LINGO2: variants seen among roughly 807,000 people sequenced by gnomAD.
LINGO2 encodes the protein leucine-rich repeat and immunoglobulin-like domain-containing nogo receptor-interacting protein 2.
LINGO2 carries 14 observed loss-of-function variants against 30.6 expected under a neutral mutation model. The ratio of observed to expected loss-of-function variants is 0.46; its 90% CI spans 0.30 to 0.72. LINGO2 has a LOEUF of 0.72. LINGO2 is among the 30% of genes least tolerant of loss of function. LINGO2 has a pLI of 0.07. For synonymous variants in LINGO2, 317 were observed against 288.5 expected (o/e 1.10, Z -1.00); for missense variants, 729 against 751.7 (o/e 0.97, Z 0.35).
the LINGO2 span, among the ~76,000 whole-genome samples, chr9:29,122,194 G>T: frequency 7.9e-5 from 12 of 151,792 alleles, no homozygotes; most frequent in African/African-American, 2.9e-4. Flanking sequence ...CATTCCTATA[G>T]CAGGAGAAAC....
chr9:28,970,688 A>C, the LINGO2 span, among the ~76,000 whole-genome samples: 1 of 152,156 alleles, frequency 6.6e-6, no homozygotes, highest in African/African-American at 2.4e-5. Flanking sequence ...CATTTAGACC[A>C]GCCCTAGCCA....
chr9:28,000,333 A>G (rs577986103), intron 5 of LINGO2, among the ~76,000 whole-genome samples: 1 of 152,292 alleles, frequency 6.6e-6, no homozygotes, highest in East Asian at 1.9e-4. Context: ...CAGATTCCAC[A>G]CATCACAGAG....
the LINGO2 span, among the ~76,000 whole-genome samples, chr9:29,070,798 T>G: frequency 1.3e-4 from 19 of 151,614 alleles, no homozygotes; most frequent in Middle Eastern, 3.5e-3. Context: ...TCCTATGACA[T>G]GTTTTAAAAT....
the LINGO2 span, among the ~76,000 whole-genome samples, chr9:28,714,850 A>ATG: frequency 2.0e-5 from 3 of 152,160 alleles, no homozygotes; most frequent in African/African-American, 7.2e-5. Flanking sequence ...TTTAGTTATT[A>ATG]TGTAGGTAGA....
the LINGO2 span, among the ~76,000 whole-genome samples, chr9:29,166,942 A>C: frequency 6.6e-6 from 1 of 152,132 alleles, no homozygotes; most frequent in Admixed American, 6.6e-5. Flanking sequence ...AGATAGATAG[A>C]TATGAGAAAG....
chr9:28,441,879 G>A (rs1343243590), intron 2 of LINGO2, among the ~76,000 whole-genome samples: 1 of 151,970 alleles, frequency 6.6e-6, no homozygotes, highest in Non-Finnish European at 1.5e-5. Context: ...ATAACTTATT[G>A]TGTTTAAGAT....
chr9:28,150,932 G>T (rs1827981799), intron 4 of LINGO2, among the ~76,000 whole-genome samples: 1 of 152,134 alleles, frequency 6.6e-6, no homozygotes, highest in Non-Finnish European at 1.5e-5. Flanking sequence ...CTGAAATATT[G>T]CCAAACTTAA....
chr9:29,202,199 A>T, the LINGO2 span, among the ~76,000 whole-genome samples: 1 of 151,804 alleles, frequency 6.6e-6, no homozygotes, highest in Non-Finnish European at 1.5e-5. Flanking sequence ...TATATTAAAT[A>T]ATACATATAA....
At chr9:28,736,154 C>T in the LINGO2 span, among the ~76,000 whole-genome samples, 2 of 152,178 alleles carry the variant, frequency 1.3e-5, no homozygotes, top group South Asian at 2.1e-4. Context: ...CAGGACATGC[C>T]CAGTACGTTC....
At chr9:29,042,154 C>A in the LINGO2 span, among the ~76,000 whole-genome samples, 1 of 151,926 alleles carries the variant, frequency 6.6e-6, no homozygotes, top group African/African-American at 2.4e-5. Flanking sequence ...ACACCAAATA[C>A]TGGCAAGGAT....
At chr9:28,569,555 C>T (rs1823568318) in intron 1 of LINGO2, among the ~76,000 whole-genome samples, 1 of 149,000 alleles carries the variant, frequency 6.7e-6, no homozygotes, top group Non-Finnish European at 1.5e-5. Context: ...TATTGTATAT[C>T]ACTTATGCAT....
At chr9:28,416,339 C>T (rs1822967110) in intron 2 of LINGO2, among the ~76,000 whole-genome samples, 1 of 152,102 alleles carries the variant, frequency 6.6e-6, no homozygotes, top group African/African-American at 2.4e-5. Flanking sequence ...TTAAAAAGAA[C>T]AGAATTGCTA....
At chr9:29,212,564 G>A in the LINGO2 span, among the ~76,000 whole-genome samples, 2 of 152,114 alleles carry the variant, frequency 1.3e-5, no homozygotes, top group Non-Finnish European at 2.9e-5. Context: ...AGCTCTCTAT[G>A]GCAATTGGGG....
chr9:27,975,408 G>A (rs891065707), intron 5 of LINGO2, among the ~76,000 whole-genome samples: 1 of 151,948 alleles, frequency 6.6e-6, no homozygotes, highest in Non-Finnish European at 1.5e-5. Context: ...GGGGGGCTGG[G>A]GTTGAGGAAG....
intron 4 of LINGO2, among the ~76,000 whole-genome samples, chr9:28,047,292 G>A (rs1003322063): frequency 4.6e-5 from 7 of 152,096 alleles, no homozygotes; most frequent in Non-Finnish European, 1.0e-4. Flanking sequence ...CTTTTATGGA[G>A]GATGATTGTA....
chr9:28,946,564 C>T, the LINGO2 span, among the ~76,000 whole-genome samples: 1 of 152,112 alleles, frequency 6.6e-6, no homozygotes, highest in Non-Finnish European at 1.5e-5. Flanking sequence ...AGAGTCTAGC[C>T]TAATATCTTC....
At chr9:28,523,155 T>A (rs10968639) in intron 1 of LINGO2, among the ~76,000 whole-genome samples, 5 of 151,744 alleles carry the variant, frequency 3.3e-5, no homozygotes, top group South Asian at 2.1e-4. Flanking sequence ...AAAAGTTGCT[T>A]TAATATCCTA....
chr9:28,164,869 T>C (rs1210650255), intron 4 of LINGO2, among the ~76,000 whole-genome samples: 1 of 152,204 alleles, frequency 6.6e-6, no homozygotes, highest in Non-Finnish European at 1.5e-5. Flanking sequence ...TCCTATGTCT[T>C]ACTTTGCACA....
intron 3 of LINGO2, among the ~76,000 whole-genome samples, chr9:28,343,110 A>G (rs1819421498): frequency 2.0e-5 from 3 of 152,184 alleles, no homozygotes; most frequent in African/African-American, 4.8e-5. Flanking sequence ...TTTCACACTG[A>G]GGATTTAGGA....
Sources: gnomAD v4.1 joint callset for allele counts (sites outside exome capture counted in the v4.1 genomes callset) on GRCh38, gnomAD v4.1.1 for gene constraint, MANE v1.5 for transcripts, NCBI Gene and HGNC (gene_info 2026-07-23, HGNC 2026-07-21) for gene names.